SLC25A44: variants seen among roughly 807,000 people sequenced by gnomAD.
SLC25A44 encodes solute carrier family 25, member 44.
SLC25A44 carries 17 observed loss-of-function variants against 29.9 expected under a neutral mutation model. The observed-to-expected ratio is 0.57, with a 90% CI of 0.39 to 0.85. The LOEUF (loss-of-function observed/expected upper bound fraction) is 0.85. Among genes scored for constraint, SLC25A44 ranks in the 40% least tolerant of loss-of-function variants. The pLI, the probability that SLC25A44 is intolerant of heterozygous loss-of-function variation, is 0.00. For synonymous variants in SLC25A44, 140 were observed against 151.8 expected (o/e 0.92, Z 0.57); for missense variants, 302 against 398.4 (o/e 0.76, Z 2.06).
chr1:156,200,935 A>C (rs1656537513), intron 2 of SLC25A44, among the ~76,000 whole-genome samples: 2 of 148,220 alleles, frequency 1.3e-5, no homozygotes, highest in South Asian at 4.2e-4. Context: ...TCCCGGGTTC[A>C]AGCGATTCTT....
At chr1:156,208,050 A>G (rs1657070104) in intron 3 of SLC25A44, 37 bp downstream of exon 3, 1 of 1,597,968 alleles carries the variant, frequency 6.3e-7, no homozygotes, top group South Asian at 1.1e-5. Context: ...CCTCCTGGAG[A>G]AGCCATTAGA....
intron 2 of SLC25A44, among the ~76,000 whole-genome samples, chr1:156,200,867 ACT>A (rs1425409791): frequency 1.7e-5 from 2 of 119,834 alleles, no homozygotes; most frequent in African/African-American, 3.3e-5. Context: ...ATGGAGTCTC[ACT>A]CTGTCACCTA....
At chr1:156,204,279 T>C (rs547442215) in intron 2 of SLC25A44, among the ~76,000 whole-genome samples, 8 of 151,744 alleles carry the variant, frequency 5.3e-5, no homozygotes, top group African/African-American at 1.9e-4. Context: ...AGTGCTGGGA[T>C]TACAGGCATG....
chr1:156,197,911 G>T (rs760625659), intron 1 of SLC25A44: 5 of 152,144 alleles, frequency 3.3e-5, no homozygotes, highest in Non-Finnish European at 7.4e-5. Flanking sequence ...AAGTTATACG[G>T]TCCAGCTCAG....
At position 156,210,861 on chromosome 1, in the gene SLC25A44, T is replaced by C. The variant is rs1657256015; in HGVS notation, c.*430T>C. ...GCTATCAACCCTCTCTCCCTTCATC[T>C]CTTAGCCTTGCTTATTTTTATTTTG... On this transcript the variant is annotated 3_prime_UTR_variant, in exon 4 of 4. Coordinates refer to ENST00000359511, the MANE Select transcript of SLC25A44 (RefSeq NM_014655.4). 6.6e-6 allele frequency: 1 copy of C among 152,536 alleles called. No individual in the cohort carries two copies. The highest frequency in any genetic ancestry group is 2.1e-4 in the South Asian group (1 of 4,818). The allele number at this position is 152,536 out of a possible 1,614,324, so 9.4% of individuals were successfully genotyped here.
chr1:156,207,782 G>A, intron 2 of SLC25A44, 104 bp from the exon 3 acceptor site: 2 of 1,251,966 alleles, frequency 1.6e-6, no homozygotes, highest in Non-Finnish European at 1.1e-6. Context: ...AAGGGTGGAG[G>A]GTTTGTCTGG....
chr1:156,210,200 G>A (rs762551775), intron 3 of SLC25A44, 40 bp from the exon 4 acceptor site: 2 of 1,435,640 alleles, frequency 1.4e-6, no homozygotes, highest in African/African-American at 1.4e-5. Context: ...GAGGGGCTCT[G>A]ACTACAGACA....
chr1:156,206,679 C>T (rs926000488), intron 2 of SLC25A44, among the ~76,000 whole-genome samples: 3 of 151,802 alleles, frequency 2.0e-5, no homozygotes, highest in Non-Finnish European at 2.9e-5. Flanking sequence ...ACTACAGGCC[C>T]GCACCACCAT....
At chr1:156,201,509 C>A (rs1484024635) in intron 2 of SLC25A44, among the ~76,000 whole-genome samples, 1 of 152,142 alleles carries the variant, frequency 6.6e-6, no homozygotes, top group African/African-American at 2.4e-5. Context: ...AATTTTCATG[C>A]CTTCTTAACC....
At position 156,200,481 on chromosome 1, in the gene SLC25A44, G is replaced by A. The variant is rs769875352; in HGVS notation, c.625+9G>A. 6 of 1,585,700 alleles carry A rather than the reference G, an allele frequency of 3.8e-6. No individual in the cohort carries two copies. The highest frequency in any genetic ancestry group is 4.3e-6 in the Non-Finnish European group (5 of 1,163,644). On this transcript the variant is annotated intron_variant, in intron 2 of 3. Transcript: ENST00000359511. ...CTATCACTTCTATGCAGGTAAGCAG[G>A]GGCCAGGACAGTGGGGGAGGAAGGT...
In SLC25A44 at chr1:156,200,221, G is replaced by A; in HGVS notation, c.374G>A (p.Ser125Asn). The A allele has an allele frequency of 6.2e-7, 1 of 1,614,168 alleles. No individual in the cohort carries two copies. ...AGGSASLVAQSITVPIDVVSQ... is the reference protein window; with the variant it reads ...AGGSASLVAQNITVPIDVVSQ... ...GGCTCAGCCTCCCTTGTGGCCCAGA[G>A]CATCACAGTGCCCATTGATGTAGTC... Residue 125 changes from serine (S) to asparagine (N), a missense_variant, in exon 2 of 4, where the codon AGC becomes AAC. Transcript: ENST00000359511.
intron 2 of SLC25A44, among the ~76,000 whole-genome samples, chr1:156,202,428 T>C (rs989851421): frequency 6.6e-6 from 1 of 152,202 alleles, no homozygotes; most frequent in African/African-American, 2.4e-5. Flanking sequence ...AATCTCTTGC[T>C]TCTCCCCTAG....
chr1:156,201,589 T>C (rs139588413), intron 2 of SLC25A44, among the ~76,000 whole-genome samples: 318 of 151,006 alleles, frequency 2.1e-3, no homozygotes, highest in African/African-American at 7.7e-3. Context: ...TATTGCTTCT[T>C]TCTTCTTCTT....
intron 2 of SLC25A44, among the ~76,000 whole-genome samples, chr1:156,201,695 C>T (rs76102184): frequency 0.013 from 1,894 of 148,698 alleles, 19 homozygotes; most frequent in Non-Finnish European, 0.022. Flanking sequence ...CTTCTTTCTT[C>T]TTCTTTTTTT....
At chr1:156,195,037 G>A (rs1219673369) in intron 1 of SLC25A44, among the ~76,000 whole-genome samples, 1 of 152,042 alleles carries the variant, frequency 6.6e-6, no homozygotes, top group Non-Finnish European at 1.5e-5. Flanking sequence ...TTTCTGTAAT[G>A]ATAATGCTTT....
rs200438932 is a variant in SLC25A44 at position 156,200,301 on chromosome 1, C to T, written c.454C>T (p.Arg152Trp). 4.3e-6 allele frequency: 7 copies of T among 1,614,100 alleles called. No individual in the cohort carries two copies. Among genetic ancestry groups the T allele is most frequent in the African/African-American group, 1.3e-5 (1 of 75,024 alleles). ...KGEKMGRFQV[R>W]GNPEGQGVVA... ...TGAGAAAATGGGCCGCTTTCAGGTGCGGGGGAACCCAGAGGGACAAGGGGT... is the reference window on the plus strand; with the variant it reads ...TGAGAAAATGGGCCGCTTTCAGGTGTGGGGGAACCCAGAGGGACAAGGGGT... The change falls in exon 2 of 4, where the codon CGG (arginine) becomes TGG (tryptophan). Residue 152 changes from arginine (R) to tryptophan (W), a missense_variant. Physicochemically the swap from Arg to Trp is moderately radical, Grantham distance 101. Coordinates refer to ENST00000359511, the MANE Select transcript of SLC25A44 (RefSeq NM_014655.4).
intron 2 of SLC25A44, among the ~76,000 whole-genome samples, chr1:156,202,290 T>G (rs897921796): frequency 1.3e-5 from 2 of 152,198 alleles, no homozygotes; most frequent in Non-Finnish European, 2.9e-5. Flanking sequence ...TTCTCTTCCT[T>G]CCCGTCCATC....
chr1:156,199,533 T>C, intron 1 of SLC25A44: 1 of 370,466 alleles, frequency 2.7e-6, no homozygotes, highest in African/African-American at 2.1e-5. Context: ...TCCTGTAAGC[T>C]GGGGTAGGGA....
At position 156,209,222 on chromosome 1, in the gene SLC25A44, G is replaced by A. The variant is rs113138589; in HGVS notation, c.754-1018G>A. The stretch of plus-strand genomic sequence containing the variant: ...CATTCTTTCCTGAGCCTTGTTCTGG[G>A]CGTTCTAGGAGGAGATCCAAGGGAA... On this transcript the variant is annotated intron_variant, in intron 3 of 3. Transcript: ENST00000359511. 4.9e-3 allele frequency among the ~76,000 whole-genome samples: 749 copies of A among 152,274 alleles called. 2 individuals are homozygous for A. Among genetic ancestry groups the A allele is most frequent in the African/African-American group, 0.017 (714 of 41,548 alleles).
Sources: gnomAD v4.1 joint callset for allele counts (sites outside exome capture counted in the v4.1 genomes callset) on GRCh38, gnomAD v4.1.1 for gene constraint, MANE v1.5 for transcripts, NCBI Gene and HGNC (gene_info 2026-07-23, HGNC 2026-07-21) for gene names.